Variants in CNTNAP2 observed in about 807,000 individuals in gnomAD.
CNTNAP2 encodes the protein contactin associated protein 2, also known as contactin-associated protein-like 2.
A neutral mutation model predicts 155.2 loss-of-function variants in CNTNAP2; 98 were observed. The ratio of observed to expected loss-of-function variants is 0.63; its 90% CI spans 0.54 to 0.75. CNTNAP2 has a LOEUF of 0.75. Ranked by LOEUF, CNTNAP2 falls within the 30% of genes least tolerant of loss-of-function variation. The probability of loss-of-function intolerance (pLI) is 0.00; values close to 1 mark genes in which losing one functional copy is unlikely to be tolerated. For synonymous variants in CNTNAP2, 651 were observed against 631.2 expected, an observed-to-expected ratio of 1.03 and a Z score of -0.47; for missense variants, 1,727 against 1,688.1, an observed-to-expected ratio of 1.02 and a Z score of -0.40.
intron 21 of CNTNAP2, among the ~76,000 whole-genome samples, chr7:148,272,010 T>C (rs1467481230): frequency 6.6e-6 from 1 of 151,994 alleles, no homozygotes; most frequent in East Asian, 1.9e-4. Flanking sequence ...TCTAAATACC[T>C]AAAATGACTT....
intron 8 of CNTNAP2, among the ~76,000 whole-genome samples, chr7:147,153,596 G>T (rs1801867368): frequency 6.6e-6 from 1 of 152,146 alleles, no homozygotes; most frequent in African/African-American, 2.4e-5. Context: ...TTAAGTGTTT[G>T]AAGTACAGTA....
At chr7:146,437,140 G>A (rs769555900) in intron 1 of CNTNAP2, among the ~76,000 whole-genome samples, 4 of 151,258 alleles carry the variant, frequency 2.6e-5, no homozygotes, top group African/African-American at 7.4e-5. Flanking sequence ...TACTGTGAAC[G>A]TGCATGAGAG....
At chr7:148,160,427 A>G (rs1396487141) in intron 17 of CNTNAP2, among the ~76,000 whole-genome samples, 2 of 152,016 alleles carry the variant, frequency 1.3e-5, no homozygotes, top group African/African-American at 4.8e-5. Context: ...AAAAAAAAGA[A>G]AAAAGATAAT....
chr7:146,937,872 C>T (rs965298195), intron 3 of CNTNAP2, among the ~76,000 whole-genome samples: 4 of 152,140 alleles, frequency 2.6e-5, no homozygotes, highest in South Asian at 2.1e-4. Flanking sequence ...ATGGTAGAAG[C>T]TTAGGGTTGT....
intron 12 of CNTNAP2, among the ~76,000 whole-genome samples, chr7:147,597,499 T>G (rs1387302806): frequency 6.6e-6 from 1 of 152,200 alleles, no homozygotes; most frequent in Non-Finnish European, 1.5e-5. Flanking sequence ...ATTTAGTCTC[T>G]TTCCCTGTTT....
At chr7:147,375,600 G>T (rs771043877) in intron 9 of CNTNAP2, among the ~76,000 whole-genome samples, 3 of 151,948 alleles carry the variant, frequency 2.0e-5, no homozygotes, top group African/African-American at 7.2e-5. Flanking sequence ...ACATTCTGCC[G>T]CTTTTCATGA....
intron 1 of CNTNAP2, among the ~76,000 whole-genome samples, chr7:146,624,876 C>T (rs1347448555): frequency 6.6e-6 from 1 of 151,760 alleles, no homozygotes; most frequent in Non-Finnish European, 1.5e-5. Flanking sequence ...TTTCCAACAC[C>T]CTCTTCTTTT....
At chr7:146,413,195 T>C (rs1438029146) in intron 1 of CNTNAP2, among the ~76,000 whole-genome samples, 7 of 152,144 alleles carry the variant, frequency 4.6e-5, no homozygotes, top group African/African-American at 1.7e-4. Context: ...GCTTAACACA[T>C]GAGAAAGATG....
chr7:146,725,714 TG>T (rs1801419737), intron 1 of CNTNAP2, among the ~76,000 whole-genome samples: 1 of 152,110 alleles, frequency 6.6e-6, no homozygotes, highest in Non-Finnish European at 1.5e-5. Flanking sequence ...TGGCTCCACC[TG>T]GACCCACTAA....
chr7:147,885,879 A>G (rs186951873), intron 13 of CNTNAP2, among the ~76,000 whole-genome samples: 9 of 152,334 alleles, frequency 5.9e-5, no homozygotes, highest in Admixed American at 5.2e-4. Flanking sequence ...AACACAATAC[A>G]TGAATCAGAG....
intron 2 of CNTNAP2, among the ~76,000 whole-genome samples, chr7:146,795,307 CT>C (rs776909903): frequency 9.2e-5 from 14 of 152,196 alleles, no homozygotes; most frequent in Non-Finnish European, 1.6e-4. Flanking sequence ...TTCTATGGCT[CT>C]CTTTTTGGCC....
chr7:147,745,954 T>C (rs1797035146), intron 13 of CNTNAP2, among the ~76,000 whole-genome samples: 1 of 151,986 alleles, frequency 6.6e-6, no homozygotes, highest in South Asian at 2.1e-4. Context: ...TTCAATGAAC[T>C]TCTTTTTCAT....
intron 9 of CNTNAP2, among the ~76,000 whole-genome samples, chr7:147,318,200 G>A (rs1430196188): frequency 6.6e-6 from 1 of 152,160 alleles, no homozygotes; most frequent in African/African-American, 2.4e-5. Flanking sequence ...CCAGCACTTT[G>A]AGAAGCTGAG....
intron 10 of CNTNAP2, among the ~76,000 whole-genome samples, chr7:147,440,854 GTTAT>G (rs1237916486): frequency 1.3e-5 from 2 of 152,018 alleles, no homozygotes; most frequent in African/African-American, 2.4e-5. Flanking sequence ...TCCGTTGCAT[GTTAT>G]TTGTTTCTTT....
At chr7:147,263,359 T>A (rs947902652) in intron 8 of CNTNAP2, among the ~76,000 whole-genome samples, 1 of 130,486 alleles carries the variant, frequency 7.7e-6, no homozygotes, top group Non-Finnish European at 1.6e-5. Flanking sequence ...AGACCCTGCC[T>A]GGGAGAAAAA....
intron 13 of CNTNAP2, among the ~76,000 whole-genome samples, chr7:147,872,805 T>C (rs1200673302): frequency 6.6e-6 from 1 of 152,146 alleles, no homozygotes; most frequent in Non-Finnish European, 1.5e-5. Context: ...CAAGTATCCT[T>C]CTCATGTGAA....
chr7:146,190,140 A>T (rs1798681252), intron 1 of CNTNAP2, among the ~76,000 whole-genome samples: 1 of 152,198 alleles, frequency 6.6e-6, no homozygotes, highest in South Asian at 2.1e-4. Flanking sequence ...AACCCAGGAA[A>T]ATGATGCAAA....
intron 1 of CNTNAP2, among the ~76,000 whole-genome samples, chr7:146,694,071 A>G (rs949480621): frequency 2.0e-5 from 3 of 152,344 alleles, no homozygotes; most frequent in Middle Eastern, 3.4e-3. Context: ...TGAAGCTAAA[A>G]ATAATATTTT....
intron 3 of CNTNAP2, among the ~76,000 whole-genome samples, chr7:146,972,272 ATATAC>A (rs1797816948): frequency 6.6e-6 from 1 of 152,236 alleles, no homozygotes; most frequent in African/African-American, 2.4e-5. Flanking sequence ...TAATGATACT[ATATAC>A]TATGTACATA....
Sources: gnomAD v4.1 joint callset for allele counts (sites outside exome capture counted in the v4.1 genomes callset) on GRCh38, gnomAD v4.1.1 for gene constraint, MANE v1.5 for transcripts, NCBI Gene and HGNC (gene_info 2026-07-23, HGNC 2026-07-21) for gene names.